CLSTN2: variants seen among roughly 807,000 people sequenced by gnomAD.
CLSTN2 encodes calsyntenin-2.
In CLSTN2, 48 loss-of-function variants were observed where a neutral mutation model predicts 101.2. The observed-to-expected ratio is 0.47, with a 90% confidence interval of 0.38 to 0.60. The LOEUF is 0.60. CLSTN2 is among the 20% of genes least tolerant of loss of function. The pLI is 0.00. For missense variants in CLSTN2, 1,160 were observed against 1,238.2 expected, an observed-to-expected ratio of 0.94 and a Z score of 0.95; for synonymous variants, 481 against 463.6, an observed-to-expected ratio of 1.04 and a Z score of -0.48.
intron 2 of CLSTN2, among the ~76,000 whole-genome samples, chr3:140,349,759 C>T (rs2087586358): frequency 1.3e-5 from 2 of 152,198 alleles, no homozygotes; most frequent in Non-Finnish European, 1.5e-5. Flanking sequence ...TTGCTTGCTA[C>T]CTTTTCACCT....
intron 9 of CLSTN2, among the ~76,000 whole-genome samples, chr3:140,534,925 T>C (rs1034684956): frequency 6.6e-6 from 1 of 152,196 alleles, no homozygotes; most frequent in Non-Finnish European, 1.5e-5. Context: ...ATGCCCACAT[T>C]CTCACTTCTT....
At chr3:139,955,112 C>CTATATATATATATA (rs58418059) in intron 1 of CLSTN2, among the ~76,000 whole-genome samples, 9,249 of 70,904 alleles carry the variant, frequency 0.13, 1,462 homozygotes, top group Middle Eastern at 0.24. Context: ...GGCAATATTG[C>CTATATATATATATA]TATATATATA....
At chr3:140,527,248 C>A (rs1185785400) in intron 8 of CLSTN2, among the ~76,000 whole-genome samples, 5 of 152,042 alleles carry the variant, frequency 3.3e-5, no homozygotes, top group Non-Finnish European at 7.4e-5. Flanking sequence ...CAAATAATCT[C>A]ATTTAAAAAT....
intron 2 of CLSTN2, among the ~76,000 whole-genome samples, chr3:140,241,053 G>C (rs2086462713): frequency 6.6e-6 from 1 of 152,190 alleles, no homozygotes; most frequent in African/African-American, 2.4e-5. Flanking sequence ...CATGAAGTCA[G>C]CTTAGAAATC....
intron 2 of CLSTN2, among the ~76,000 whole-genome samples, chr3:140,235,415 G>A (rs2086407800): frequency 6.6e-6 from 1 of 152,132 alleles, no homozygotes; most frequent in Non-Finnish European, 1.5e-5. Context: ...GAGTGCTGCT[G>A]GGTATTGAAG....
At chr3:140,117,671 A>G (rs923542969) in intron 1 of CLSTN2, among the ~76,000 whole-genome samples, 1 of 152,192 alleles carries the variant, frequency 6.6e-6, no homozygotes, top group Non-Finnish European at 1.5e-5. Context: ...ACATAAGTCC[A>G]GTACTTTTAG....
intron 2 of CLSTN2, among the ~76,000 whole-genome samples, chr3:140,217,601 C>T (rs985438959): frequency 6.6e-6 from 1 of 152,184 alleles, no homozygotes; most frequent in Non-Finnish European, 1.5e-5. Context: ...AGTCTCTGTA[C>T]CTTTTTAAGA....
At chr3:140,075,006 A>G (rs548076679) in intron 1 of CLSTN2, among the ~76,000 whole-genome samples, 1 of 152,278 alleles carries the variant, frequency 6.6e-6, no homozygotes. Context: ...GTAGAGGCCA[A>G]GGCTTTACCT....
At chr3:140,448,488 T>C (rs1351467805) in intron 5 of CLSTN2, 31 bp from the exon 6 acceptor site, 1 of 1,577,610 alleles carries the variant, frequency 6.3e-7, no homozygotes, top group African/African-American at 1.3e-5. Flanking sequence ...CTGCACCTGA[T>C]TCACTTTTCA....
At chr3:140,141,157 T>C (rs754318336) in intron 1 of CLSTN2, among the ~76,000 whole-genome samples, 5 of 152,224 alleles carry the variant, frequency 3.3e-5, no homozygotes, top group Non-Finnish European at 7.3e-5. Context: ...TACCCCTGCC[T>C]CAGTCATGGT....
chr3:139,959,412 A>G (rs1025287730), intron 1 of CLSTN2, among the ~76,000 whole-genome samples: 41 of 152,152 alleles, frequency 2.7e-4, no homozygotes, highest in African/African-American at 8.9e-4. Flanking sequence ...TGTTACAATG[A>G]TACATAATCA....
rs79515176 is a variant in CLSTN2, at chr3:140,465,956, C to T, written c.1223-654C>T. ...TCCTCTTCTGCCAGGATCCATGACA[C>T]GAAATTTTCTAAGCAGGAAAGGAAG... On this transcript the variant is annotated intron_variant, in intron 7 of 16. Transcript: ENST00000458420. Among the ~76,000 whole-genome samples, 17 of 152,234 alleles carry T rather than the reference C, an allele frequency of 1.1e-4. No homozygotes were observed. In the East Asian group the frequency reaches 1.7e-3, roughly 16 times the overall value.
At position 140,532,374 on chromosome 3, in the gene CLSTN2, G is replaced by A. The variant is rs930132200; in HGVS notation, c.1395G>A (p.Val465=). ...HYYVINVEFP[V]VTLYMDGATY... is the part of the protein sequence containing the mutation. ...ATGTCATCAATGTGGAGTTTCCTGT[G>A]GTAACCTTATACATGGATGGAGCAA... Residue 465 remains valine, a synonymous_variant, in exon 9 of 17, where the codon GTG becomes GTA. Transcript: ENST00000458420. The A allele has an allele frequency of 1.9e-5, 31 of 1,612,678 alleles. No homozygotes were observed. Among genetic ancestry groups the A allele is most frequent in the Non-Finnish European group, 2.6e-5 (31 of 1,179,134 alleles).
At chr3:140,051,434 G>A (rs1250243980) in intron 1 of CLSTN2, among the ~76,000 whole-genome samples, 3 of 152,148 alleles carry the variant, frequency 2.0e-5, no homozygotes, top group South Asian at 2.1e-4. Context: ...CAGCATGGTC[G>A]CTGCACATCT....
chr3:140,319,646 C>G (rs886641110), intron 2 of CLSTN2, among the ~76,000 whole-genome samples: 1 of 152,194 alleles, frequency 6.6e-6, no homozygotes, highest in Admixed American at 6.5e-5. Context: ...CAGCCAGCAA[C>G]AGCATCCACA....
intron 5 of CLSTN2, among the ~76,000 whole-genome samples, chr3:140,427,207 G>GTATATATA (rs1301184422): frequency 2.4e-5 from 2 of 84,976 alleles, no homozygotes; most frequent in African/African-American, 7.4e-5. Flanking sequence ...ATATATATGT[G>GTATATATA]TATATATATA....
intron 2 of CLSTN2, among the ~76,000 whole-genome samples, chr3:140,273,490 C>A (rs2086763561): frequency 6.6e-6 from 1 of 152,186 alleles, no homozygotes; most frequent in Non-Finnish European, 1.5e-5. Context: ...CTACATGTGG[C>A]CTCAGGATGA....
chr3:140,065,479 G>A (rs1342231432), intron 1 of CLSTN2, among the ~76,000 whole-genome samples: 1 of 152,178 alleles, frequency 6.6e-6, no homozygotes, highest in Non-Finnish European at 1.5e-5. Flanking sequence ...ATCTTGGTCA[G>A]GAAGTTGATT....
At chr3:140,290,636 A>G (rs2086938349) in intron 2 of CLSTN2, among the ~76,000 whole-genome samples, 1 of 152,184 alleles carries the variant, frequency 6.6e-6, no homozygotes, top group African/African-American at 2.4e-5. Context: ...CTGACAAGGA[A>G]AGGCTTTCCC....
Sources: gnomAD v4.1 joint callset for allele counts (sites outside exome capture counted in the v4.1 genomes callset) on GRCh38, gnomAD v4.1.1 for gene constraint, MANE v1.5 for transcripts, NCBI Gene and HGNC (gene_info 2026-07-23, HGNC 2026-07-21) for gene names.